CDH13: variants seen among roughly 807,000 people sequenced by gnomAD.
CDH13 encodes the protein cadherin-13.
CDH13 carries 24 observed loss-of-function variants against 63.8 expected under a neutral mutation model. The observed-to-expected ratio is 0.38, with a 90% CI of 0.27 to 0.53. The LOEUF is 0.53. Ranked by LOEUF, CDH13 falls within the 20% of genes least tolerant of loss-of-function variation. The pLI is 0.85. For synonymous variants in CDH13, 503 were observed against 355.3 expected (o/e 1.42, Z -4.67); for missense variants, 1,049 against 903.1 (o/e 1.16, Z -2.07).
At chr16:82,992,107 G>A (rs755977946) in intron 2 of CDH13, among the ~76,000 whole-genome samples, 11 of 152,162 alleles carry the variant, frequency 7.2e-5, no homozygotes, top group Non-Finnish European at 1.5e-4. Context: ...ACCTCATTAA[G>A]GACATGACTT....
At chr16:82,870,092 A>G (rs1415543338) in intron 2 of CDH13, among the ~76,000 whole-genome samples, 1 of 152,172 alleles carries the variant, frequency 6.6e-6, no homozygotes, top group Non-Finnish European at 1.5e-5. Flanking sequence ...AGGGATTAAT[A>G]GCCAGAATAT....
intron 4 of CDH13, among the ~76,000 whole-genome samples, chr16:83,144,235 G>A (rs1324925723): frequency 2.0e-5 from 3 of 152,140 alleles, no homozygotes; most frequent in African/African-American, 2.4e-5. Flanking sequence ...ACACAGGCTT[G>A]TACTTATTTG....
At chr16:83,578,852 T>G (rs1270258982) in intron 7 of CDH13, among the ~76,000 whole-genome samples, 1 of 152,212 alleles carries the variant, frequency 6.6e-6, no homozygotes, top group African/African-American at 2.4e-5. Flanking sequence ...CTCACAACAA[T>G]GCGGTGAGGC....
Position 83,331,851 on chromosome 16 carries a change from CTT to C in CDH13, c.637-13008_637-13007del, listed in dbSNP as rs374787938. Among the ~76,000 whole-genome samples, 760 of 152,252 alleles carry C rather than the reference CTT, an allele frequency of 5.0e-3. 9 individuals carry two copies. The highest frequency in any genetic ancestry group is 0.018 in the African/African-American group (735 of 41,556). ...AGATACCATAGTTTCTTTCATCAATCTTTTATAACATTGTGTTGATTGTAGTT... is the reference window on the plus strand; with the variant it reads ...AGATACCATAGTTTCTTTCATCAATCTTATAACATTGTGTTGATTGTAGTT... On this transcript the variant is annotated intron_variant, in intron 5 of 13. Coordinates refer to ENST00000567109, the MANE Select transcript of CDH13 (RefSeq NM_001257.5).
chr16:82,848,267 G>T (rs1045901890), intron 1 of CDH13, among the ~76,000 whole-genome samples: 1 of 152,184 alleles, frequency 6.6e-6, no homozygotes, highest in African/African-American at 2.4e-5. Context: ...GGTTACAGCA[G>T]CCAGGCTTGC....
chr16:83,656,117 C>A (rs1022409881), intron 8 of CDH13, among the ~76,000 whole-genome samples: 5 of 152,136 alleles, frequency 3.3e-5, no homozygotes, highest in African/African-American at 1.2e-4. Flanking sequence ...CCCCTGGCAA[C>A]CATAAGTCTG....
At chr16:82,898,361 C>A (rs1393434190) in intron 2 of CDH13, among the ~76,000 whole-genome samples, 1 of 152,142 alleles carries the variant, frequency 6.6e-6, no homozygotes, top group South Asian at 2.1e-4. Context: ...CCCGTCTCTA[C>A]TAAAAATACA....
chr16:82,858,281 TA>T, intron 1 of CDH13, 80 bp from the exon 2 acceptor site: 1 of 839,302 alleles, frequency 1.2e-6, no homozygotes, highest in Non-Finnish European at 2.0e-6. Flanking sequence ...AGCTTGTTTC[TA>T]AAAGTTGCGG....
At chr16:83,130,684 T>G (rs972452339) in intron 4 of CDH13, among the ~76,000 whole-genome samples, 1 of 152,228 alleles carries the variant, frequency 6.6e-6, no homozygotes, top group African/African-American at 2.4e-5. Flanking sequence ...TAAGTTTAAC[T>G]AAATATAAAA....
chr16:82,985,472 TATTC>T (rs1391886647), intron 2 of CDH13, among the ~76,000 whole-genome samples: 4 of 152,202 alleles, frequency 2.6e-5, no homozygotes, highest in African/African-American at 9.7e-5. Context: ...ATGACAACTG[TATTC>T]ATTAGACATA....
intron 2 of CDH13, among the ~76,000 whole-genome samples, chr16:82,976,739 C>T (rs544333265): frequency 5.3e-4 from 80 of 152,310 alleles, no homozygotes; most frequent in Non-Finnish European, 1.1e-3. Flanking sequence ...AAACCAAGCA[C>T]AGTGCTGAGC....
chr16:83,511,068 ACACACATGCACGCATGCACACACACATG>A (rs1311371567), intron 7 of CDH13, among the ~76,000 whole-genome samples: 2 of 71,354 alleles, frequency 2.8e-5, no homozygotes, highest in Admixed American at 1.5e-4. Flanking sequence ...ACAGACACGC[ACACACATGCACGCATGCACACACACATG>A]CACACATGCA....
At chr16:83,544,570 G>C (rs1023982969) in intron 7 of CDH13, among the ~76,000 whole-genome samples, 1 of 152,152 alleles carries the variant, frequency 6.6e-6, no homozygotes, top group Admixed American at 6.5e-5. Flanking sequence ...CATTATGTCA[G>C]ATGATTCATC....
chr16:83,004,268 T>C lies in CDH13; in HGVS notation c.158-27742T>C, dbSNP rs1385100144. Among the ~76,000 whole-genome samples, 7 of 152,160 alleles carry C rather than the reference T, an allele frequency of 4.6e-5. No individual in the cohort carries two copies. The East Asian group carries it at 1.3e-3, about 29-fold the overall frequency. ...GAAGCAGGAGGAAAGGGTCATAGAA[T>C]GCTGCCAAAGGCTCTGGAGGCTCAA... On this transcript the variant is annotated intron_variant, in intron 2 of 13. Coordinates refer to ENST00000567109, the MANE Select transcript of CDH13 (RefSeq NM_001257.5).
intron 3 of CDH13, among the ~76,000 whole-genome samples, chr16:83,094,749 G>T (rs9934153): frequency 0.39 from 58,603 of 152,074 alleles, 12,148 homozygotes; most frequent in Middle Eastern, 0.56. Context: ...GTCTTCCCCT[G>T]AAAGTGTGGT....
chr16:82,719,255 C>T (rs2032602458), intron 1 of CDH13: 3 of 394,172 alleles, frequency 7.6e-6, no homozygotes, highest in Admixed American at 2.7e-5. Flanking sequence ...CTGCCATTGG[C>T]CTGTAATATA....
intron 4 of CDH13, among the ~76,000 whole-genome samples, chr16:83,170,985 C>G (rs1242653720): frequency 6.6e-6 from 1 of 151,872 alleles, no homozygotes; most frequent in Non-Finnish European, 1.5e-5. Flanking sequence ...AGTCTTTTTA[C>G]CCGCCCGCCT....
chr16:82,743,616 A>G (rs538801582), intron 1 of CDH13, among the ~76,000 whole-genome samples: 1 of 152,168 alleles, frequency 6.6e-6, no homozygotes, highest in Non-Finnish European at 1.5e-5. Flanking sequence ...GAGAATAGAC[A>G]TACCTTTCAT....
intron 10 of CDH13, among the ~76,000 whole-genome samples, chr16:83,719,071 G>A (rs1017676253): frequency 1.3e-5 from 2 of 152,140 alleles, no homozygotes; most frequent in African/African-American, 4.8e-5. Context: ...CACCCTCAAT[G>A]CCTCTTAAAA....
Sources: allele counts gnomAD v4.1 joint callset (sites outside exome capture counted in the v4.1 genomes callset), GRCh38; gene constraint gnomAD v4.1.1; transcripts MANE v1.5; gene names NCBI Gene and HGNC (gene_info 2026-07-23, HGNC 2026-07-21).